QTMAN: variants seen among roughly 807,000 people sequenced by gnomAD.
QTMAN encodes the protein tRNA-queuosine alpha-mannosyltransferase.
At chr2:144,270,345 T>TA in the QTMAN span, among the ~76,000 whole-genome samples, 4 of 152,178 alleles carry the variant, frequency 2.6e-5, no homozygotes, top group Non-Finnish European at 5.9e-5. Flanking sequence ...ACCGTAAAGA[T>TA]ACATGCACAC....
chr2:143,994,808 T>G, the QTMAN span, among the ~76,000 whole-genome samples: 2 of 152,206 alleles, frequency 1.3e-5, no homozygotes, highest in Non-Finnish European at 1.5e-5. Flanking sequence ...AAAACTGGAC[T>G]GTGGGATAGT....
the QTMAN span, among the ~76,000 whole-genome samples, chr2:144,113,040 G>C: frequency 3.9e-5 from 6 of 152,080 alleles, no homozygotes; most frequent in African/African-American, 1.4e-4. Context: ...CATAACATAA[G>C]ATCCCAAATG....
chr2:144,305,376 T>C, the QTMAN span, among the ~76,000 whole-genome samples: 23 of 152,358 alleles, frequency 1.5e-4, no homozygotes, highest in African/African-American at 5.5e-4. Flanking sequence ...CTTTATTAAA[T>C]TGTCATGACA....
At chr2:144,214,841 AT>A in the QTMAN span, among the ~76,000 whole-genome samples, 1 of 152,210 alleles carries the variant, frequency 6.6e-6, no homozygotes, top group African/African-American at 2.4e-5. Flanking sequence ...GATCTTTTAA[AT>A]ATATGCTCTT....
the QTMAN span, chr2:144,142,171 A>G: frequency 1.6e-6 from 1 of 633,002 alleles, no homozygotes; most frequent in Non-Finnish European, 2.6e-6. Flanking sequence ...AGGTTTGCAA[A>G]GAACTCTTCA....
At chr2:144,316,621 A>G in the QTMAN span, among the ~76,000 whole-genome samples, 1 of 152,210 alleles carries the variant, frequency 6.6e-6, no homozygotes. Context: ...ATACTTTACT[A>G]ATAATAAAGG....
the QTMAN span, among the ~76,000 whole-genome samples, chr2:144,323,370 A>T: frequency 6.6e-6 from 1 of 152,190 alleles, no homozygotes; most frequent in Non-Finnish European, 1.5e-5. Context: ...CTTCAAGGAC[A>T]TTCTTAAGTG....
At chr2:144,095,868 T>G in the QTMAN span, among the ~76,000 whole-genome samples, 3 of 152,174 alleles carry the variant, frequency 2.0e-5, no homozygotes, top group Non-Finnish European at 4.4e-5. Flanking sequence ...ACTCTGATAT[T>G]TTTAAACCAA....
At chr2:144,031,449 A>G in the QTMAN span, among the ~76,000 whole-genome samples, 1 of 152,212 alleles carries the variant, frequency 6.6e-6, no homozygotes, top group Admixed American at 6.5e-5. Context: ...AGTGTTTTTC[A>G]TGAAGCCAGG....
the QTMAN span, among the ~76,000 whole-genome samples, chr2:144,187,902 A>G: frequency 1.3e-5 from 2 of 152,222 alleles, no homozygotes; most frequent in African/African-American, 4.8e-5. Flanking sequence ...CCTAAATCCA[A>G]TGATGTTTTT....
the QTMAN span, among the ~76,000 whole-genome samples, chr2:144,284,859 C>T: frequency 6.6e-6 from 1 of 151,920 alleles, no homozygotes; most frequent in South Asian, 2.1e-4. Context: ...ACGGCAAGAC[C>T]TCATCTCTAT....
chr2:143,962,011 A>G, the QTMAN span, among the ~76,000 whole-genome samples: 3 of 152,258 alleles, frequency 2.0e-5, no homozygotes, highest in East Asian at 3.9e-4. Flanking sequence ...TAGGGTATCA[A>G]TAAAAGCTGG....
At chr2:144,134,634 G>A in the QTMAN span, among the ~76,000 whole-genome samples, 8 of 152,090 alleles carry the variant, frequency 5.3e-5, no homozygotes, top group South Asian at 2.1e-4. Context: ...TGAAATGATC[G>A]TGAAAATATA....
chr2:144,197,925 T>A, the QTMAN span, among the ~76,000 whole-genome samples: 1 of 152,154 alleles, frequency 6.6e-6, no homozygotes, highest in Non-Finnish European at 1.5e-5. Flanking sequence ...TCATTTCCCC[T>A]TATTTAAATC....
the QTMAN span, among the ~76,000 whole-genome samples, chr2:144,331,513 G>A: frequency 6.6e-6 from 1 of 151,670 alleles, no homozygotes; most frequent in Non-Finnish European, 1.5e-5. Flanking sequence ...TTCAAACTGC[G>A]ATACAGGTGG....
the QTMAN span, among the ~76,000 whole-genome samples, chr2:144,199,202 T>A: frequency 6.6e-6 from 1 of 151,970 alleles, no homozygotes; most frequent in Non-Finnish European, 1.5e-5. Flanking sequence ...TGCCCACCAC[T>A]ACGCCCGGCT....
the QTMAN span, among the ~76,000 whole-genome samples, chr2:144,087,058 T>A: frequency 6.6e-6 from 1 of 152,114 alleles, no homozygotes; most frequent in South Asian, 2.1e-4. Context: ...GGTTCTTTAA[T>A]AAGATCAATA....
chr2:144,022,108 C>T, the QTMAN span, among the ~76,000 whole-genome samples: 1 of 152,112 alleles, frequency 6.6e-6, no homozygotes, highest in Non-Finnish European at 1.5e-5. Flanking sequence ...TGTTTTAAAA[C>T]TAAATACATG....
chr2:144,015,595 TC>T, the QTMAN span, among the ~76,000 whole-genome samples: 4 of 152,206 alleles, frequency 2.6e-5, no homozygotes, highest in African/African-American at 9.6e-5. Context: ...TACAATGCAC[TC>T]ATCATATTTT....
Sources: allele counts gnomAD v4.1 joint callset (sites outside exome capture counted in the v4.1 genomes callset), GRCh38; gene constraint gnomAD v4.1.1; transcripts MANE v1.5; gene names NCBI Gene and HGNC (gene_info 2026-07-23, HGNC 2026-07-21).